The following ITGA8 variants were observed in gnomAD, a reference collection of about 807,000 sequenced individuals.
ITGA8 encodes the protein integrin subunit alpha 8.
Under a neutral mutation model 142.3 loss-of-function variants are expected in ITGA8, and 91 were observed. The ratio of observed to expected loss-of-function variants is 0.64; its 90% CI spans 0.54 to 0.76. The LOEUF (loss-of-function observed/expected upper bound fraction) is 0.76, where lower values mean the gene tolerates loss of function less well. ITGA8 is among the 30% of genes least tolerant of loss of function. ITGA8 has a pLI of 0.00. For synonymous variants in ITGA8, 505 were observed against 485.2 expected (o/e 1.04, Z -0.54); for missense variants, 1,406 against 1,327.7 (o/e 1.06, Z -0.92).
At chr10:15,681,936 G>A (rs1014915040) in intron 4 of ITGA8, among the ~76,000 whole-genome samples, 1 of 152,098 alleles carries the variant, frequency 6.6e-6, no homozygotes, top group African/African-American at 2.4e-5. Flanking sequence ...GTTATTGTTT[G>A]TGGGATTTTA....
chr10:15,675,939 C>T (rs536084240), intron 6 of ITGA8, among the ~76,000 whole-genome samples: 10 of 152,134 alleles, frequency 6.6e-5, no homozygotes, highest in Non-Finnish European at 1.3e-4. Context: ...TTGTATCCTA[C>T]GTTTTTTCAA....
At chr10:15,672,490 T>C (rs1834542753) in intron 7 of ITGA8, 134 bp downstream of exon 7, 1 of 1,061,820 alleles carries the variant, frequency 9.4e-7, no homozygotes, top group Non-Finnish European at 1.4e-6. Context: ...AAAGAAAAAT[T>C]GAGTCCACTC....
At chr10:15,653,871 G>A (rs1010600961) in intron 11 of ITGA8, among the ~76,000 whole-genome samples, 1 of 142,536 alleles carries the variant, frequency 7.0e-6, no homozygotes, top group Admixed American at 7.4e-5. Flanking sequence ...GTCTCGCTCT[G>A]TTGCCCAGGC....
chr10:15,678,518 C>T (rs7475414), intron 5 of ITGA8, among the ~76,000 whole-genome samples: 1 of 152,088 alleles, frequency 6.6e-6, no homozygotes, highest in African/African-American at 2.4e-5. Flanking sequence ...TAATAGGCCG[C>T]TATGTGCATA....
At chr10:15,606,450 G>A (rs1833198852) in intron 17 of ITGA8, 28 bp from the exon 18 acceptor site, 2 of 1,573,492 alleles carry the variant, frequency 1.3e-6, no homozygotes, top group Admixed American at 1.7e-5. Context: ...AAACTCAACA[G>A]AGGCTCCATG....
At chr10:15,678,386 A>G (rs1001573971) in intron 5 of ITGA8, among the ~76,000 whole-genome samples, 2 of 152,230 alleles carry the variant, frequency 1.3e-5, no homozygotes, top group Non-Finnish European at 2.9e-5. Context: ...AACAATGAAT[A>G]GATTCATGTG....
chr10:15,525,638 T>C (rs1444023824), intron 28 of ITGA8, among the ~76,000 whole-genome samples: 3 of 60,850 alleles, frequency 4.9e-5, no homozygotes, highest in African/African-American at 1.2e-4. Flanking sequence ...GGAGCGAAAC[T>C]CCATCTCAAA....
chr10:15,694,887 A>G (rs1289956728), intron 2 of ITGA8, among the ~76,000 whole-genome samples: 2 of 151,632 alleles, frequency 1.3e-5, no homozygotes, highest in Non-Finnish European at 2.9e-5. Flanking sequence ...AGAAAGTGCT[A>G]GAGTAGTCTT....
intron 26 of ITGA8, among the ~76,000 whole-genome samples, chr10:15,550,827 G>A (rs1723634250): frequency 6.6e-6 from 1 of 152,090 alleles, no homozygotes; most frequent in African/African-American, 2.4e-5. Flanking sequence ...AGAGGGATGG[G>A]TAATATGAGA....
At chr10:15,683,930 G>C (rs370919585) in intron 4 of ITGA8, 74 bp downstream of exon 4, 1 of 1,552,170 alleles carries the variant, frequency 6.4e-7, no homozygotes. Context: ...GGTGTTTTGA[G>C]CCTACCTGCA....
At chr10:15,719,532 C>A (rs752975561) in intron 1 of ITGA8, 31 bp downstream of exon 1, 1 of 1,514,718 alleles carries the variant, frequency 6.6e-7, no homozygotes, top group South Asian at 1.3e-5. Context: ...CCTTCGTCCC[C>A]GCGCGCACCT....
intron 25 of ITGA8, among the ~76,000 whole-genome samples, chr10:15,569,018 T>G (rs577586557): frequency 2.2e-4 from 33 of 152,232 alleles, no homozygotes; most frequent in Middle Eastern, 3.4e-3. Flanking sequence ...GTCTGGCTTA[T>G]TTTTCACAAG....
At chr10:15,573,701 A>G (rs769540098) in intron 24 of ITGA8, among the ~76,000 whole-genome samples, 28 of 152,194 alleles carry the variant, frequency 1.8e-4, no homozygotes, top group Non-Finnish European at 4.0e-4. Context: ...GATGAAAGTC[A>G]TAGTCAGAAT....
At chr10:15,543,394 C>A (rs1033906078) in intron 27 of ITGA8, among the ~76,000 whole-genome samples, 2 of 152,208 alleles carry the variant, frequency 1.3e-5, no homozygotes. Context: ...CCTGTGTTTA[C>A]TCACACACTT....
chr10:15,632,235 G>C (rs944719468), intron 13 of ITGA8, among the ~76,000 whole-genome samples: 3 of 150,574 alleles, frequency 2.0e-5, no homozygotes, highest in Non-Finnish European at 2.9e-5. Context: ...TGTCGATAAG[G>C]TCCACTTTTT....
At position 15,684,014 on chromosome 10, in the gene ITGA8, A is replaced by G. The variant is rs375403220; in HGVS notation, c.558T>C (p.Pro186=). ...QNFSAYAEFS[P]CRNSNADPEG... is the part of the protein sequence containing the mutation. Reference sequence around the variant, plus strand: ...ATAAAAGTTGCTTACTGTTCCGGCAAGGAGAGAACTCGGCATAGGCGCTGA... The same window carrying G: ...ATAAAAGTTGCTTACTGTTCCGGCAGGGAGAGAACTCGGCATAGGCGCTGA... Residue 186 remains proline, a synonymous_variant, in exon 4 of 30, where the codon CCT becomes CCC. Transcript: ENST00000378076. 5.6e-6 allele frequency: 9 copies of G among 1,614,016 alleles called. No homozygotes were observed. Among genetic ancestry groups the G allele is most frequent in the South Asian group, 1.1e-5 (1 of 91,066 alleles).
chr10:15,667,126 C>T lies in ITGA8; in HGVS notation c.847+4477G>A, dbSNP rs950974523. On this transcript the variant is annotated intron_variant, in intron 8 of 29. Coordinates refer to ENST00000378076, the MANE Select transcript of ITGA8 (RefSeq NM_003638.3). Reference sequence around the variant, plus strand: ...TCCTCTTTGCACCTCTGGTAGAATTCGGCTGTGAATCCATCTGGTCCTGGA... The same window carrying T: ...TCCTCTTTGCACCTCTGGTAGAATTTGGCTGTGAATCCATCTGGTCCTGGA... Among the ~76,000 whole-genome samples, 37 of 152,236 alleles carry T rather than the reference C, an allele frequency of 2.4e-4. 2 individuals are homozygous for T. The highest frequency in any genetic ancestry group is 3.4e-3 in the Middle Eastern group (1 of 294).
chr10:15,701,096 CA>C (rs1835155555), intron 2 of ITGA8, among the ~76,000 whole-genome samples: 1 of 152,130 alleles, frequency 6.6e-6, no homozygotes, highest in Non-Finnish European at 1.5e-5. Flanking sequence ...TCTATTCATT[CA>C]AAAATTTGTC....
intron 4 of ITGA8, among the ~76,000 whole-genome samples, 182 bp downstream of exon 4, chr10:15,683,822 C>T (rs927824948): frequency 2.6e-5 from 4 of 152,230 alleles, no homozygotes; most frequent in African/African-American, 9.7e-5. Flanking sequence ...TAGAATTCCA[C>T]GCTTTTGACT....
Sources: gnomAD v4.1 joint callset for allele counts (sites outside exome capture counted in the v4.1 genomes callset) on GRCh38, gnomAD v4.1.1 for gene constraint, MANE v1.5 for transcripts, NCBI Gene and HGNC (gene_info 2026-07-23, HGNC 2026-07-21) for gene names.